The following COBL variants were observed in gnomAD, a reference collection of about 807,000 sequenced individuals.
COBL encodes the protein cordon-bleu WH2 repeat protein.
In COBL, 51 loss-of-function variants were observed where a neutral mutation model predicts 98.8. The ratio of observed to expected loss-of-function variants is 0.52; its 90% CI spans 0.41 to 0.65. The LOEUF is 0.65. Among genes scored for constraint, COBL ranks in the 30% least tolerant of loss-of-function variants. The pLI is 0.00. For missense variants in COBL, 1,617 were observed against 1,617.5 expected (o/e 1.00, Z 0.01); for synonymous variants, 634 against 651.7 (o/e 0.97, Z 0.41).
intron 2 of COBL, among the ~76,000 whole-genome samples, chr7:51,206,644 T>C (rs1173816517): frequency 4.6e-5 from 7 of 152,054 alleles, no homozygotes; most frequent in Non-Finnish European, 8.8e-5. Flanking sequence ...AATGGATGAA[T>C]GGATAAAGAA....
intron 1 of COBL, among the ~76,000 whole-genome samples, chr7:51,254,481 A>C (rs1225084784): frequency 6.6e-6 from 1 of 152,182 alleles, no homozygotes; most frequent in Non-Finnish European, 1.5e-5. Flanking sequence ...AACTAAACCA[A>C]ACCAAAACAA....
At chr7:51,058,883 C>T (rs1249073194) in intron 7 of COBL, among the ~76,000 whole-genome samples, 5 of 152,242 alleles carry the variant, frequency 3.3e-5, no homozygotes, top group Admixed American at 3.3e-4. Context: ...TCAGCGTCAT[C>T]TTATTATCCC....
intron 5 of COBL, among the ~76,000 whole-genome samples, chr7:51,142,841 C>T (rs1276373443): frequency 6.6e-6 from 1 of 152,092 alleles, no homozygotes; most frequent in East Asian, 1.9e-4. Context: ...TTCTGAAAAG[C>T]TTGTAAATTA....
In COBL at chr7:51,093,136, A is replaced by G. The variant is rs1251649426; in HGVS notation, c.958-7832T>C. 7.2e-5 allele frequency among the ~76,000 whole-genome samples: 11 copies of G among 152,354 alleles called. No homozygotes were observed. In the East Asian group the frequency reaches 2.1e-3, roughly 29 times the overall value. Reference sequence around the variant, plus strand: ...ATATTTGCAAACCATATAGCTGATAAAAGGCTAATAACCAAAATATGTAAG... The same window carrying G: ...ATATTTGCAAACCATATAGCTGATAGAAGGCTAATAACCAAAATATGTAAG... On this transcript the variant is annotated intron_variant, in intron 6 of 12. Transcript: ENST00000265136.
At chr7:51,115,177 C>A (rs1482210085) in intron 6 of COBL, among the ~76,000 whole-genome samples, 2 of 151,756 alleles carry the variant, frequency 1.3e-5, no homozygotes, top group Non-Finnish European at 2.9e-5. Flanking sequence ...TTCTTTTTTC[C>A]CTGGATCAAT....
intron 7 of COBL, among the ~76,000 whole-genome samples, chr7:51,069,147 C>A (rs1004265495): frequency 6.6e-6 from 1 of 152,160 alleles, no homozygotes; most frequent in African/African-American, 2.4e-5. Context: ...ACTGTGGGTG[C>A]AGATTCGGGG....
chr7:51,113,184 C>A (rs1348619082), intron 6 of COBL, among the ~76,000 whole-genome samples: 1 of 152,138 alleles, frequency 6.6e-6, no homozygotes, highest in Non-Finnish European at 1.5e-5. Flanking sequence ...AAGTTTCTAG[C>A]AGGATTCTGG....
intron 5 of COBL, among the ~76,000 whole-genome samples, chr7:51,160,678 A>G (rs1786709197): frequency 6.6e-6 from 1 of 152,182 alleles, no homozygotes; most frequent in African/African-American, 2.4e-5. Context: ...AGAGGTCACA[A>G]ACTGTATGTG....
chr7:51,097,888 G>A (rs530338830), intron 6 of COBL, among the ~76,000 whole-genome samples: 64 of 152,036 alleles, frequency 4.2e-4, no homozygotes, highest in South Asian at 4.2e-3. Context: ...TCCGGGCATG[G>A]TGGCGGGCAC....
chr7:51,271,068 T>C lies in COBL; in HGVS notation c.41+45525A>G, dbSNP rs117564757. ...CAGGCCCTGCTACTCCCAGGAATGC[T>C]TGGGACAGGCCGCCAGGCCTGGTGT... On this transcript the variant is annotated intron_variant, in intron 1 of 12. Transcript: ENST00000265136. Among the ~76,000 whole-genome samples the C allele has an allele frequency of 7.7e-3, 1,169 of 152,332 alleles. 59 individuals are homozygous for C. The South Asian group carries it at 0.13, about 17-fold the overall frequency.
chr7:51,263,480 TGCA>T, intron 1 of COBL, among the ~76,000 whole-genome samples: 1 of 152,144 alleles, frequency 6.6e-6, no homozygotes, highest in East Asian at 1.9e-4. Flanking sequence ...TCAGAAGCCC[TGCA>T]AAGTGCTGGC....
chr7:51,282,928 G>A (rs571024124), intron 1 of COBL, among the ~76,000 whole-genome samples: 25 of 152,254 alleles, frequency 1.6e-4, no homozygotes, highest in African/African-American at 6.0e-4. Context: ...ACTTGGAAAT[G>A]TAATCATATA....
intron 5 of COBL, among the ~76,000 whole-genome samples, chr7:51,156,947 T>C (rs1473830297): frequency 6.6e-6 from 1 of 152,176 alleles, no homozygotes; most frequent in Non-Finnish European, 1.5e-5. Flanking sequence ...CTTTGCCTTC[T>C]CTGTACAGAC....
intron 5 of COBL, among the ~76,000 whole-genome samples, chr7:51,138,656 ACACT>A (rs769849714): frequency 8.1e-4 from 124 of 152,314 alleles, no homozygotes; most frequent in Middle Eastern, 3.4e-3. Flanking sequence ...GCACATGCAC[ACACT>A]CACGCACATG....
At chr7:51,217,514 T>G (rs1011824866) in intron 2 of COBL, among the ~76,000 whole-genome samples, 4 of 151,850 alleles carry the variant, frequency 2.6e-5, no homozygotes, top group Non-Finnish European at 5.9e-5. Context: ...GCTAATTTTT[T>G]GTATTTTTAT....
At chr7:51,205,887 G>A (rs1791651140) in intron 2 of COBL, among the ~76,000 whole-genome samples, 1 of 151,992 alleles carries the variant, frequency 6.6e-6, no homozygotes, top group Non-Finnish European at 1.5e-5. Flanking sequence ...CCCTTAAAAT[G>A]GGCCAAGGAT....
intron 6 of COBL, among the ~76,000 whole-genome samples, chr7:51,096,012 A>T (rs1014109443): frequency 2.0e-5 from 3 of 152,200 alleles, no homozygotes; most frequent in Non-Finnish European, 4.4e-5. Context: ...AGAGGACTTG[A>T]ACAACAATAT....
chr7:51,083,291 C>G, intron 7 of COBL: 1 of 1,276,688 alleles, frequency 7.8e-7, no homozygotes, highest in Non-Finnish European at 1.0e-6. Context: ...CACTAGGCAC[C>G]AAATCCAACC....
intron 1 of COBL, among the ~76,000 whole-genome samples, chr7:51,241,518 C>T (rs1795793603): frequency 6.6e-6 from 1 of 152,122 alleles, no homozygotes; most frequent in Non-Finnish European, 1.5e-5. Context: ...CCCACGATCA[C>T]CGATTAACAT....
Sources: gnomAD v4.1 joint callset for allele counts (sites outside exome capture counted in the v4.1 genomes callset) on GRCh38, gnomAD v4.1.1 for gene constraint, MANE v1.5 for transcripts, NCBI Gene and HGNC (gene_info 2026-07-23, HGNC 2026-07-21) for gene names.